ZNF536: variants seen among roughly 807,000 people sequenced by gnomAD.
The protein encoded by ZNF536 is zinc finger protein 536.
ZNF536 carries 13 observed loss-of-function variants against 84.5 expected under a neutral mutation model. That is an observed-to-expected ratio of 0.15 (90% CI 0.10 to 0.24). The LOEUF (loss-of-function observed/expected upper bound fraction) is 0.24, where lower values mean the gene tolerates loss of function less well. Among genes scored for constraint, ZNF536 ranks in the 10% least tolerant of loss-of-function variants. The pLI, the probability that ZNF536 is intolerant of heterozygous loss-of-function variation, is 1.00. For synonymous variants in ZNF536, 811 were observed against 742.5 expected (o/e 1.09, Z -1.50); for missense variants, 1,536 against 1,747.5 (o/e 0.88, Z 2.16).
At chr19:30,627,311 A>G (rs575055055) in intron 1 of ZNF536, among the ~76,000 whole-genome samples, 1 of 151,788 alleles carries the variant, frequency 6.6e-6, no homozygotes, top group Non-Finnish European at 1.5e-5. Context: ...ACAAAAAAAA[A>G]TAAGAAAATA....
intron 1 of ZNF536, among the ~76,000 whole-genome samples, chr19:30,573,268 C>A (rs1384019861): frequency 6.6e-6 from 1 of 152,104 alleles, no homozygotes; most frequent in Admixed American, 6.5e-5. Context: ...GATGGGGAAG[C>A]TGATGTTCAA....
intron 1 of ZNF536, among the ~76,000 whole-genome samples, chr19:30,232,722 G>T (rs2023160765): frequency 6.6e-6 from 1 of 152,200 alleles, no homozygotes; most frequent in African/African-American, 2.4e-5. Context: ...ACAAGATTCA[G>T]ATGAGAGTGA....
intron 1 of ZNF536, among the ~76,000 whole-genome samples, chr19:30,634,627 G>C (rs547035709): frequency 6.6e-6 from 1 of 152,212 alleles, no homozygotes; most frequent in Non-Finnish European, 1.5e-5. Context: ...TTGATTTCCT[G>C]TTGGTTTGTG....
At chr19:30,366,321 G>C (rs1276973281) in intron 3 of ZNF536, among the ~76,000 whole-genome samples, 1 of 152,110 alleles carries the variant, frequency 6.6e-6, no homozygotes, top group African/African-American at 2.4e-5. Context: ...AATTGAGCTA[G>C]CTGTCAGTCT....
intron 2 of ZNF536, among the ~76,000 whole-genome samples, chr19:30,495,517 C>A: frequency 6.6e-6 from 1 of 152,130 alleles, no homozygotes; most frequent in East Asian, 1.9e-4. Context: ...GCTGGTGTTT[C>A]GAACAGAGAG....
At chr19:30,466,620 C>A (rs2148478134) in intron 2 of ZNF536, among the ~76,000 whole-genome samples, 1 of 139,310 alleles carries the variant, frequency 7.2e-6, no homozygotes, top group African/African-American at 2.7e-5. Context: ...AGAGAACTTA[C>A]CATTTTAACT....
intron 1 of ZNF536, among the ~76,000 whole-genome samples, chr19:30,384,569 C>G (rs956322146): frequency 1.3e-5 from 2 of 151,568 alleles, no homozygotes; most frequent in Admixed American, 1.3e-4. Context: ...TGCATGGGAC[C>G]TTCAGGCATC....
chr19:30,583,676 C>A (rs1011448584), intron 1 of ZNF536, among the ~76,000 whole-genome samples: 1 of 152,168 alleles, frequency 6.6e-6, no homozygotes, highest in Non-Finnish European at 1.5e-5. Context: ...CTTGAAGGGG[C>A]TGTAGTCCTC....
intron 2 of ZNF536, among the ~76,000 whole-genome samples, chr19:30,526,422 A>T (rs1568516522): frequency 6.6e-6 from 1 of 152,210 alleles, no homozygotes; most frequent in East Asian, 1.9e-4. Context: ...GACTCCACCA[A>T]CAATTAAGAA....
intron 2 of ZNF536, among the ~76,000 whole-genome samples, chr19:30,530,219 C>T (rs1195140700): frequency 6.6e-6 from 1 of 152,214 alleles, no homozygotes; most frequent in Non-Finnish European, 1.5e-5. Flanking sequence ...GAAGGAATAC[C>T]ACTGGTTAGA....
intron 1 of ZNF536, among the ~76,000 whole-genome samples, chr19:30,604,676 A>G (rs2047806666): frequency 6.6e-6 from 1 of 152,206 alleles, no homozygotes; most frequent in Non-Finnish European, 1.5e-5. Flanking sequence ...CTTGGTCAAT[A>G]AAACTTGTCA....
At chr19:30,566,191 AG>A (rs1382343634) in intron 1 of ZNF536, among the ~76,000 whole-genome samples, 1 of 152,120 alleles carries the variant, frequency 6.6e-6, no homozygotes, top group African/African-American at 2.4e-5. Context: ...AGTGTCTATG[AG>A]GGGTCACCCA....
chr19:30,617,586 G>A (rs866069926), intron 1 of ZNF536, among the ~76,000 whole-genome samples: 8 of 151,548 alleles, frequency 5.3e-5, no homozygotes, highest in South Asian at 4.2e-4. Context: ...TCCTGACCTC[G>A]TGATCTGCCC....
At chr19:30,403,013 C>T (rs1900510900) in intron 1 of ZNF536, among the ~76,000 whole-genome samples, 1 of 151,806 alleles carries the variant, frequency 6.6e-6, no homozygotes, top group Non-Finnish European at 1.5e-5. Context: ...TGTTGCCGTG[C>T]CCTGGCCCCC....
chr19:30,500,833 G>A (rs1441131213), intron 2 of ZNF536, among the ~76,000 whole-genome samples: 3 of 152,246 alleles, frequency 2.0e-5, no homozygotes, highest in Non-Finnish European at 4.4e-5. Context: ...AGAGGCAAGG[G>A]CCACGAGTTC....
At chr19:30,696,076 C>G (rs575690313) in intron 1 of ZNF536, among the ~76,000 whole-genome samples, 1 of 152,334 alleles carries the variant, frequency 6.6e-6, no homozygotes, top group South Asian at 2.1e-4. Context: ...TAAAAATACA[C>G]AACTCTAGCT....
At chr19:30,626,840 GC>G (rs932612620) in intron 1 of ZNF536, among the ~76,000 whole-genome samples, 1 of 152,196 alleles carries the variant, frequency 6.6e-6, no homozygotes, top group African/African-American at 2.4e-5. Flanking sequence ...TCCCCGCACG[GC>G]CCCCACCCCG....
At chr19:30,522,386 T>C (rs1434533897) in intron 2 of ZNF536, among the ~76,000 whole-genome samples, 1 of 150,800 alleles carries the variant, frequency 6.6e-6, no homozygotes, top group Non-Finnish European at 1.5e-5. Flanking sequence ...TTTAAGCTGA[T>C]CCAAGGATTG....
At chr19:30,274,075 A>G (rs559860371) in intron 1 of ZNF536, among the ~76,000 whole-genome samples, 3 of 152,362 alleles carry the variant, frequency 2.0e-5, no homozygotes, top group African/African-American at 7.2e-5. Flanking sequence ...TAAAAAGTAA[A>G]TGAGATTAAA....
Sources: allele counts gnomAD v4.1 joint callset (sites outside exome capture counted in the v4.1 genomes callset), GRCh38; gene constraint gnomAD v4.1.1; transcripts MANE v1.5; gene names NCBI Gene and HGNC (gene_info 2026-07-23, HGNC 2026-07-21).